The following MEMO1 variants were observed in gnomAD, a reference collection of about 807,000 sequenced individuals.
The protein encoded by MEMO1 is protein MEMO1.
MEMO1 carries 6 observed loss-of-function variants against 45.2 expected under a neutral mutation model. The observed-to-expected ratio is 0.13, with a 90% CI of 0.07 to 0.26. The LOEUF (loss-of-function observed/expected upper bound fraction) is 0.26. MEMO1 is among the 10% of genes least tolerant of loss of function. The pLI is 1.00. For synonymous variants in MEMO1, 78 were observed against 124.3 expected, an observed-to-expected ratio of 0.63 and a Z score of 2.48; for missense variants, 184 against 370.5, an observed-to-expected ratio of 0.50 and a Z score of 4.13.
At chr2:31,933,756 T>C (rs1250901663) in intron 3 of MEMO1, among the ~76,000 whole-genome samples, 2 of 152,078 alleles carry the variant, frequency 1.3e-5, no homozygotes, top group African/African-American at 2.4e-5. Flanking sequence ...TCGTAGTCAC[T>C]CTAGCCCTAT....
At chr2:32,008,447 G>C (rs1039955603) in intron 2 of MEMO1, among the ~76,000 whole-genome samples, 1 of 152,212 alleles carries the variant, frequency 6.6e-6, no homozygotes, top group Non-Finnish European at 1.5e-5. Context: ...AGCTGGGCGT[G>C]GTGGCGCGCG....
chr2:31,996,792 G>C (rs958367981), intron 2 of MEMO1, among the ~76,000 whole-genome samples: 1 of 152,100 alleles, frequency 6.6e-6, no homozygotes, highest in Admixed American at 6.6e-5. Flanking sequence ...GTGTGGTCGT[G>C]TAATCATAGC....
In MEMO1 at chr2:31,943,381, G is replaced by A; in HGVS notation, c.64C>T (p.Pro22Ser). The A allele has an allele frequency of 1.9e-6, 3 of 1,611,760 alleles. No homozygotes were observed. Among genetic ancestry groups the A allele is most frequent in the Non-Finnish European group, 1.7e-6 (2 of 1,177,828 alleles). Reference protein sequence around the residue: ...HAGSWYTASGPQLNAQLEGWL... With the variant: ...HAGSWYTASGSQLNAQLEGWL... Reference sequence around the variant, plus strand: ...CCTTCTAGCTGTGCATTCAGCTGCGGTCCTATAAAAAGACAAAGACAAAAT... The same window carrying A: ...CCTTCTAGCTGTGCATTCAGCTGCGATCCTATAAAAAGACAAAGACAAAAT... The change falls in exon 3 of 10, where the codon CCG becomes TCG. Residue 22 changes from proline (P) to serine (S), a missense_variant and splice_region_variant. Coordinates refer to ENST00000404530, the MANE Select transcript of MEMO1 (RefSeq NM_001301833.4).
At position 31,893,456 on chromosome 2, in the gene MEMO1, T is replaced by A. The variant is rs968412150; in HGVS notation, c.438-1322A>T. 6.8e-6 allele frequency: 5 copies of A among 738,032 alleles called. No individual in the cohort carries two copies. In the African/African-American group the frequency reaches 9.6e-5, roughly 14 times the overall value. 45.7% of individuals were successfully genotyped at this position (738,032 alleles called of 1,614,324 possible). Reference sequence around the variant, plus strand: ...CAATTAGTTAAGACTGATTGTCAATTGAAAGAAAAGAATTAATTATTCTAA... The same window carrying A: ...CAATTAGTTAAGACTGATTGTCAATAGAAAGAAAAGAATTAATTATTCTAA... On this transcript the variant is annotated intron_variant, in intron 6 of 9. Transcript: ENST00000404530.
intron 3 of MEMO1, among the ~76,000 whole-genome samples, chr2:31,933,314 C>CT (rs1194739016): frequency 2.0e-4 from 11 of 54,484 alleles, no homozygotes; most frequent in African/African-American, 8.7e-4. Context: ...GATACCACCT[C>CT]TTTAAAAAAA....
intron 8 of MEMO1, among the ~76,000 whole-genome samples, chr2:31,878,244 T>C (rs1674848437): frequency 6.6e-6 from 1 of 151,892 alleles, no homozygotes; most frequent in Non-Finnish European, 1.5e-5. Flanking sequence ...AGTAAGAAAA[T>C]GGAGGGCTCT....
rs540273520 is a variant in MEMO1 at position 31,926,677 on chromosome 2, T to C, written c.212+5390A>G. Among the ~76,000 whole-genome samples, 4 of 151,662 alleles carry C rather than the reference T, an allele frequency of 2.6e-5. No individual in the cohort carries two copies. In the East Asian group the frequency reaches 7.9e-4, roughly 30 times the overall value. ...CAGTATGGCCAACATGGTGAAACCG[T>C]CTCTACTAAAAATACAAAAATTAGC... On this transcript the variant is annotated intron_variant, in intron 4 of 9. Coordinates refer to ENST00000404530, the MANE Select transcript of MEMO1 (RefSeq NM_001301833.4).
At chr2:31,919,187 A>G (rs887749682) in intron 5 of MEMO1, among the ~76,000 whole-genome samples, 1 of 151,828 alleles carries the variant, frequency 6.6e-6, no homozygotes, top group Non-Finnish European at 1.5e-5. Context: ...GCTGGGTGAC[A>G]GCATTTTGCT....
chr2:31,878,150 C>T (rs772071041), intron 8 of MEMO1, among the ~76,000 whole-genome samples: 6 of 152,048 alleles, frequency 3.9e-5, no homozygotes, highest in East Asian at 3.9e-4. Flanking sequence ...AACGGGCAAA[C>T]GCCCTAAGCT....
In MEMO1 at chr2:32,004,795, T is replaced by C. The variant is rs1005185794; in HGVS notation, c.61+5392A>G. Among the ~76,000 whole-genome samples, 6 of 151,882 alleles carry C rather than the reference T, an allele frequency of 4.0e-5. No individual in the cohort carries two copies. In the East Asian group the frequency reaches 7.8e-4, roughly 20 times the overall value. On this transcript the variant is annotated intron_variant, in intron 2 of 9. Coordinates refer to ENST00000404530, the MANE Select transcript of MEMO1 (RefSeq NM_001301833.4). ...TACAAAAATTATCCGGGTGTGGTGG[T>C]GCATACCTGTAATCCCAGCTACTCG...
chr2:31,928,049 A>G (rs1422878509), intron 4 of MEMO1, among the ~76,000 whole-genome samples: 1 of 152,246 alleles, frequency 6.6e-6, no homozygotes, highest in East Asian at 1.9e-4. Flanking sequence ...TCTGGATCAT[A>G]GCAGTCACTT....
At chr2:31,994,904 T>C (rs1173543092) in intron 2 of MEMO1, among the ~76,000 whole-genome samples, 1 of 144,460 alleles carries the variant, frequency 6.9e-6, no homozygotes, top group Non-Finnish European at 1.5e-5. Flanking sequence ...GCTGTGATTG[T>C]GCCAAGGCAC....
intron 6 of MEMO1, chr2:31,893,229 A>G (rs1349993109): frequency 2.5e-5 from 16 of 629,846 alleles, no homozygotes; most frequent in Non-Finnish European, 3.5e-5. Context: ...CCTCCCCCAT[A>G]AGGCCCCCTT....
intron 6 of MEMO1, among the ~76,000 whole-genome samples, chr2:31,915,298 A>G (rs1342978697): frequency 6.6e-6 from 1 of 152,210 alleles, no homozygotes; most frequent in Non-Finnish European, 1.5e-5. Context: ...TTAAAGAGAC[A>G]TGAATTGTCC....
intron 2 of MEMO1, among the ~76,000 whole-genome samples, chr2:31,990,827 G>A (rs1671860221): frequency 6.6e-6 from 1 of 152,084 alleles, no homozygotes; most frequent in African/African-American, 2.4e-5. Context: ...GCTATAAAGA[G>A]ATTCTGAGAC....
intron 2 of MEMO1, among the ~76,000 whole-genome samples, chr2:31,950,350 C>T (rs1666697132): frequency 6.7e-6 from 1 of 150,298 alleles, no homozygotes; most frequent in South Asian, 2.1e-4. Flanking sequence ...CACTGAACTC[C>T]AGCCTGGGCA....
chr2:31,991,719 A>G (rs1242004743), intron 2 of MEMO1, among the ~76,000 whole-genome samples: 1 of 152,182 alleles, frequency 6.6e-6, no homozygotes. Flanking sequence ...TGATCTCAGA[A>G]AAACAAAAAA....
chr2:31,995,270 G>A lies in MEMO1; in HGVS notation c.61+14917C>T, dbSNP rs919248221. On this transcript the variant is annotated intron_variant, in intron 2 of 9. Transcript: ENST00000404530. Reference sequence around the variant, plus strand: ...AGTTCAGGACCAGCCTGGCCAATATGGTGAAACCTCATCTCTACTAAAAAT... The same window carrying A: ...AGTTCAGGACCAGCCTGGCCAATATAGTGAAACCTCATCTCTACTAAAAAT... Among the ~76,000 whole-genome samples, 21 of 152,074 alleles carry A rather than the reference G, an allele frequency of 1.4e-4. 1 individual carries two copies. In the South Asian group the frequency reaches 1.7e-3, roughly 12 times the overall value.
chr2:32,002,092 C>T (rs1673391490), intron 2 of MEMO1, among the ~76,000 whole-genome samples: 1 of 135,966 alleles, frequency 7.4e-6, no homozygotes, highest in South Asian at 2.3e-4. Flanking sequence ...TTGCAGTGAG[C>T]TGAGATCTCG....
Sources: allele counts gnomAD v4.1 joint callset (sites outside exome capture counted in the v4.1 genomes callset), GRCh38; gene constraint gnomAD v4.1.1; transcripts MANE v1.5; gene names NCBI Gene and HGNC (gene_info 2026-07-23, HGNC 2026-07-21).